Variants in TENM3 observed in about 807,000 individuals in gnomAD.
The protein encoded by TENM3 is teneurin transmembrane protein 3.
TENM3 carries 63 observed loss-of-function variants against 255.1 expected under a neutral mutation model. The observed-to-expected ratio is 0.25, with a 90% CI of 0.20 to 0.30. The LOEUF is 0.30. TENM3 is among the 10% of genes least tolerant of loss of function. TENM3 has a pLI of 1.00. For missense variants in TENM3, 2,929 were observed against 3,461.1 expected (o/e 0.85, Z 3.86); for synonymous variants, 1,306 against 1,322.3 (o/e 0.99, Z 0.27).
the TENM3 span, among the ~76,000 whole-genome samples, chr4:181,806,056 A>C: frequency 6.6e-6 from 1 of 152,166 alleles, no homozygotes; most frequent in Non-Finnish European, 1.5e-5. Context: ...CAGCCTTTTA[A>C]ATCTTTATTT....
At chr4:182,013,109 A>C in the TENM3 span, among the ~76,000 whole-genome samples, 1 of 152,198 alleles carries the variant, frequency 6.6e-6, no homozygotes, top group Non-Finnish European at 1.5e-5. Context: ...GCGAGCATTC[A>C]AAGAAACAAA....
intron 3 of TENM3, among the ~76,000 whole-genome samples, chr4:182,433,715 C>T (rs1398730342): frequency 2.6e-5 from 4 of 152,158 alleles, no homozygotes; most frequent in Non-Finnish European, 5.9e-5. Context: ...GCAAATATGT[C>T]ATTAGGAAGA....
chr4:182,791,801 C>T (rs1766121631), intron 25 of TENM3, among the ~76,000 whole-genome samples: 1 of 152,134 alleles, frequency 6.6e-6, no homozygotes, highest in African/African-American at 2.4e-5. Flanking sequence ...TGCTTTGCCC[C>T]TCCCCCAAGT....
At chr4:182,732,618 G>A (rs745855045) in intron 16 of TENM3, among the ~76,000 whole-genome samples, 11 of 152,150 alleles carry the variant, frequency 7.2e-5, no homozygotes, top group Admixed American at 2.6e-4. Context: ...TCGAGCCCAG[G>A]AATTTGAGAC....
intron 3 of TENM3, among the ~76,000 whole-genome samples, chr4:182,466,634 C>T (rs62337171): frequency 0.06 from 9,108 of 152,036 alleles, 408 homozygotes; most frequent in African/African-American, 0.12. Flanking sequence ...CCAGCCTCTG[C>T]GTGTCCATTT....
At chr4:181,973,078 TTTATATG>T in the TENM3 span, among the ~76,000 whole-genome samples, 14 of 152,168 alleles carry the variant, frequency 9.2e-5, no homozygotes, top group African/African-American at 3.4e-4. Context: ...AGCCAGGGCT[TTTATATG>T]TTATAATATT....
chr4:182,661,045 A>T lies in TENM3; in HGVS notation c.1111+7152A>T, dbSNP rs13435844. Among the ~76,000 whole-genome samples the T allele has an allele frequency of 9.1e-3, 1,385 of 152,208 alleles. 22 individuals carry two copies. The highest frequency in any genetic ancestry group is 0.032 in the African/African-American group (1,310 of 41,512). ...AATAAAAGGCTATATATTACAGGCA[A>T]TGTAACTATGGCAAGTGACTTCTCC... On this transcript the variant is annotated intron_variant, in intron 6 of 27. Transcript: ENST00000511685.
intron 3 of TENM3, among the ~76,000 whole-genome samples, chr4:182,498,172 C>T (rs1257546268): frequency 6.6e-6 from 1 of 151,994 alleles, no homozygotes; most frequent in East Asian, 1.9e-4. Flanking sequence ...CGTTCTCAGT[C>T]CAGAGTTTGT....
intron 1 of TENM3, among the ~76,000 whole-genome samples, chr4:182,272,387 G>A (rs1408198220): frequency 6.6e-6 from 1 of 152,124 alleles, no homozygotes; most frequent in African/African-American, 2.4e-5. Context: ...GTTTAGATAT[G>A]GTGATGACAG....
intron 22 of TENM3, among the ~76,000 whole-genome samples, chr4:182,755,588 C>G (rs1239746293): frequency 6.6e-6 from 1 of 152,032 alleles, no homozygotes; most frequent in Non-Finnish European, 1.5e-5. Context: ...CCTGTAATCC[C>G]AGCACTTTGG....
the TENM3 span, among the ~76,000 whole-genome samples, chr4:181,531,092 A>G: frequency 2.0e-4 from 30 of 152,172 alleles, no homozygotes; most frequent in Admixed American, 1.8e-3. Context: ...CCAAATAACC[A>G]TCAATTTCTC....
chr4:182,271,784 G>A (rs1268484210), intron 1 of TENM3, among the ~76,000 whole-genome samples: 1 of 152,178 alleles, frequency 6.6e-6, no homozygotes. Flanking sequence ...AAACTGATTT[G>A]CCAAACCCCA....
the TENM3 span, among the ~76,000 whole-genome samples, chr4:181,789,370 CCTCAGCCTCCTGA>C: frequency 9.9e-3 from 1,501 of 151,990 alleles, 13 homozygotes; most frequent in Non-Finnish European, 0.014. Context: ...AATTCTCCTG[CCTCAGCCTCCTGA>C]GTAGCTGGGA....
chr4:182,324,651 G>C (rs146826490), intron 2 of TENM3, among the ~76,000 whole-genome samples: 3 of 152,278 alleles, frequency 2.0e-5, no homozygotes, highest in African/African-American at 7.2e-5. Flanking sequence ...GGAGCTGTTG[G>C]TGAAGAAACC....
At chr4:182,263,599 C>CCTA (rs1234621380) in intron 1 of TENM3, among the ~76,000 whole-genome samples, 5 of 152,146 alleles carry the variant, frequency 3.3e-5, no homozygotes, top group African/African-American at 4.8e-5. Context: ...AATTCCCCCC[C>CCTA]CTACCTTCAC....
intron 2 of TENM3, among the ~76,000 whole-genome samples, chr4:182,338,563 G>A (rs1031264243): frequency 6.6e-6 from 1 of 152,038 alleles, no homozygotes; most frequent in Non-Finnish European, 1.5e-5. Context: ...TGTATGTTCT[G>A]GCTAGGTCAA....
At chr4:181,603,421 C>T in the TENM3 span, among the ~76,000 whole-genome samples, 1 of 152,128 alleles carries the variant, frequency 6.6e-6, no homozygotes, top group African/African-American at 2.4e-5. Context: ...TCAGTTAGGA[C>T]TGGTTTGCTT....
intron 1 of TENM3, among the ~76,000 whole-genome samples, chr4:182,226,880 G>A (rs966075616): frequency 6.6e-6 from 1 of 152,106 alleles, no homozygotes; most frequent in Admixed American, 6.5e-5. Context: ...ATATTCACCT[G>A]ACCCATACAT....
chr4:182,773,233 CAT>C (rs1764408088), intron 22 of TENM3, among the ~76,000 whole-genome samples: 1 of 152,186 alleles, frequency 6.6e-6, no homozygotes, highest in South Asian at 2.1e-4. Flanking sequence ...TTCAAAGAAT[CAT>C]GTGCTGAGAT....
Sources: allele counts gnomAD v4.1 joint callset (sites outside exome capture counted in the v4.1 genomes callset), GRCh38; gene constraint gnomAD v4.1.1; transcripts MANE v1.5; gene names NCBI Gene and HGNC (gene_info 2026-07-23, HGNC 2026-07-21).